NDEL1: variants seen among roughly 807,000 people sequenced by gnomAD.
The protein encoded by NDEL1 is nuclear distribution protein nudE-like 1.
NDEL1 carries 9 observed loss-of-function variants against 45.7 expected under a neutral mutation model. The observed-to-expected ratio is 0.20, with a 90% CI of 0.12 to 0.34. NDEL1 has a LOEUF of 0.34. NDEL1 is among the 10% of genes least tolerant of loss of function. The pLI, the probability that NDEL1 is intolerant of heterozygous loss-of-function variation, is 1.00. For synonymous variants in NDEL1, 133 were observed against 158.6 expected, an observed-to-expected ratio of 0.84 and a Z score of 1.21; for missense variants, 306 against 406.2, an observed-to-expected ratio of 0.75 and a Z score of 2.12.
chr17:8,443,524 G>C (rs1909893224), intron 1 of NDEL1, among the ~76,000 whole-genome samples: 1 of 152,148 alleles, frequency 6.6e-6, no homozygotes, highest in African/African-American at 2.4e-5. Flanking sequence ...GATGCCTGGG[G>C]AGGGGGTGCT....
intron 8 of NDEL1, among the ~76,000 whole-genome samples, chr17:8,461,849 G>A (rs758380933): frequency 5.1e-4 from 77 of 152,052 alleles, no homozygotes; most frequent in Middle Eastern, 3.2e-3. Flanking sequence ...TTGATGGGCC[G>A]CAGGTGCCTT....
At chr17:8,435,733 G>A (rs1260532951), upstream of NDEL1, 2 of 336,708 alleles carry the variant, frequency 5.9e-6, no homozygotes, top group African/African-American at 2.3e-5. Flanking sequence ...CTGCGCAAGA[G>A]GACGCCGTCA....
At chr17:8,429,436 T>G (rs1040699338) in intron 1 of NDEL1, among the ~76,000 whole-genome samples, 1 of 152,192 alleles carries the variant, frequency 6.6e-6, no homozygotes, top group African/African-American at 2.4e-5. Context: ...TCTTGTGAAC[T>G]GTGTAGAGCT....
At chr17:8,421,502 C>T (rs1908706262) in intron 1 of NDEL1, among the ~76,000 whole-genome samples, 1 of 152,094 alleles carries the variant, frequency 6.6e-6, no homozygotes, top group Admixed American at 6.5e-5. Flanking sequence ...CGCTGGTGGC[C>T]TCTAGAAGCT....
Position 8,460,163 on chromosome 17 carries a change from A to G in NDEL1, c.944+3A>G, listed in dbSNP as rs1402267931. The G allele has an allele frequency of 2.5e-6, 4 of 1,611,268 alleles. No homozygotes were observed. The highest frequency in any genetic ancestry group is 3.4e-6 in the Non-Finnish European group (4 of 1,179,074). Reference sequence around the variant, plus strand: ...CATACATCTTTCTTCGACAAAGGGTAAGTCCTGAATGTTTTAAGTGATAAT... The same window carrying G: ...CATACATCTTTCTTCGACAAAGGGTGAGTCCTGAATGTTTTAAGTGATAAT... On this transcript the variant is annotated splice_donor_region_variant and intron_variant, in intron 8 of 8. Coordinates refer to ENST00000334527, the MANE Select transcript of NDEL1 (RefSeq NM_030808.5).
chr17:8,463,386 A>T lies in NDEL1; in HGVS notation c.944+3226A>T, dbSNP rs760879973. 1.9e-5 allele frequency: 31 copies of T among 1,604,318 alleles called. No homozygotes were observed. In the South Asian group the frequency reaches 3.1e-4, roughly 16 times the overall value. ...GAATTTGTTTGCTGTGCTCTTTTTC[A>T]TTCTTTCTTAATCCTGGTGTGTGGT... On this transcript the variant is annotated intron_variant, in intron 8 of 8. Coordinates refer to ENST00000334527, the MANE Select transcript of NDEL1 (RefSeq NM_030808.5).
chr17:8,469,307 C>A (rs944470982), downstream of NDEL1, among the ~76,000 whole-genome samples: 1 of 152,186 alleles, frequency 6.6e-6, no homozygotes, highest in Non-Finnish European at 1.5e-5. Flanking sequence ...TATGTAGGAA[C>A]CCCAACTAAA....
At chr17:8,428,775 A>G (rs971406953) in intron 1 of NDEL1, among the ~76,000 whole-genome samples, 22 of 145,922 alleles carry the variant, frequency 1.5e-4, no homozygotes, top group Middle Eastern at 3.9e-3. Context: ...CCAGGTTCAC[A>G]CCATTCTCCT....
chr17:8,445,448 G>A (rs1168693501), intron 2 of NDEL1, among the ~76,000 whole-genome samples: 1 of 150,982 alleles, frequency 6.6e-6, no homozygotes, highest in Admixed American at 6.7e-5. Context: ...GAGTTCTGTG[G>A]TGGAAGAAGC....
rs1428572494 is a variant in NDEL1, at chr17:8,466,982, C to T, written c.997C>T (p.Arg333Cys). The change falls in exon 9 of 9, where the codon CGT becomes TGT. Residue 333 changes from arginine (R) to cysteine (C), a missense_variant. By Grantham distance (180) the Arg-to-Cys change is radical. Around this residue, in one of 3 missense-constraint regions of NDEL1, gnomAD observed 175 missense variants for 205.2 expected, o/e 0.85. Coordinates refer to ENST00000334527, the MANE Select transcript of NDEL1 (RefSeq NM_030808.5). ...TCCTCCTCCTGGTCTGGGCTCCTCG[C>T]GTCCATCGTCAGCGCCGGGTATGCT... The part of the protein sequence containing the change: ...APPPPGLGSS[R>C]PSSAPGMLPL... 1.7e-5 allele frequency: 27 copies of T among 1,614,214 alleles called. No individual in the cohort carries two copies. Among genetic ancestry groups the T allele is most frequent in the Non-Finnish European group, 2.3e-5 (27 of 1,180,042 alleles).
rs1413055001 is a variant in NDEL1, at chr17:8,450,886, A to G, written c.633A>G (p.Gln211=). 3 of 1,613,408 alleles carry G rather than the reference A, an allele frequency of 1.9e-6. No homozygotes were observed. Among genetic ancestry groups the G allele is most frequent in the African/African-American group, 1.3e-5 (1 of 75,014 alleles). ...LDCEKMDSAV[Q]ASLSLPATPV... ...GTGAAAAGATGGACTCCGCCGTCCA[A>G]GCATCACTTTCTTTGCCAGCTACCC... is the stretch of plus-strand genomic sequence containing the variant. The change falls in exon 6 of 9, where the codon CAA becomes CAG. Residue 211 remains glutamine, a synonymous_variant. Transcript: ENST00000334527.
upstream of NDEL1, chr17:8,432,246 A>C (rs1292714261): frequency 1.4e-5 from 2 of 146,628 alleles, no homozygotes; most frequent in Non-Finnish European, 3.0e-5. Flanking sequence ...GATTTTAAGC[A>C]TGTTAATGCA....
chr17:8,460,127 C>T lies in NDEL1; in HGVS notation c.911C>T (p.Ser304Phe), dbSNP rs1290544136. ...GVLNGNGTKF[S>F]RSGHTSFFDK... ...CTGAATGGCAATGGCACAAAGTTCT[C>T]TCGATCAGGGCATACATCTTTCTTC... Residue 304 changes from serine (S) to phenylalanine (F), a missense_variant, in exon 8 of 9, where the codon TCT becomes TTT. By Grantham distance (155) the Ser-to-Phe change is radical. Around this residue, in one of 3 missense-constraint regions of NDEL1, gnomAD observed 175 missense variants for 205.2 expected, o/e 0.85. Transcript: ENST00000334527. The T allele has an allele frequency of 1.2e-6, 2 of 1,613,966 alleles. No homozygotes were observed. Among genetic ancestry groups the T allele is most frequent in the Non-Finnish European group, 1.7e-6 (2 of 1,180,030 alleles).
chr17:8,474,046 T>C (rs1485521567), intron 3 of NDEL1, among the ~76,000 whole-genome samples: 2 of 152,198 alleles, frequency 1.3e-5, no homozygotes, highest in Non-Finnish European at 2.9e-5. Flanking sequence ...GAACAAGAGT[T>C]GGAGCCAGGA....
At chr17:8,470,733 G>A (rs151111641), downstream of NDEL1, among the ~76,000 whole-genome samples, 4 of 152,236 alleles carry the variant, frequency 2.6e-5, no homozygotes, top group African/African-American at 7.2e-5. This position sits in a 1 kb window ranked among gnomAD's most constrained non-coding sequence, Gnocchi z 4.2. Context: ...GGCCTCACTG[G>A]CCTTGACTCC....
intron 1 of NDEL1, among the ~76,000 whole-genome samples, chr17:8,413,532 A>C (rs1323393626): frequency 1.3e-5 from 2 of 152,072 alleles, no homozygotes; most frequent in Non-Finnish European, 1.5e-5. Flanking sequence ...GATCACCTTG[A>C]TTTGGTTTCC....
chr17:8,422,400 C>T (rs1567719634), intron 1 of NDEL1, among the ~76,000 whole-genome samples: 1 of 151,916 alleles, frequency 6.6e-6, no homozygotes, highest in African/African-American at 2.4e-5. Flanking sequence ...CCTCTGCCTC[C>T]TGGGTTCAGG....
chr17:8,424,229 A>G (rs1299886768), intron 1 of NDEL1, among the ~76,000 whole-genome samples: 2 of 152,326 alleles, frequency 1.3e-5, no homozygotes, highest in East Asian at 3.9e-4. Context: ...TGCTTGATTC[A>G]TTTAACTGCA....
intron 1 of NDEL1, among the ~76,000 whole-genome samples, chr17:8,421,179 A>G (rs1908696905): frequency 6.6e-6 from 1 of 152,226 alleles, no homozygotes; most frequent in Admixed American, 6.5e-5. Context: ...ATTCCAATAA[A>G]TATTCAAAGA....
Sources: allele counts gnomAD v4.1 joint callset (sites outside exome capture counted in the v4.1 genomes callset), GRCh38; gene constraint gnomAD v4.1.1; regional missense constraint gnomAD v4.1.1; non-coding constraint Gnocchi (gnomAD v3.1); transcripts MANE v1.5; gene names NCBI Gene and HGNC (gene_info 2026-07-23, HGNC 2026-07-21).